NFIB: variants seen among roughly 807,000 people sequenced by gnomAD.
NFIB encodes nuclear factor I B, also known as nuclear factor 1 B-type.
In NFIB, 11 loss-of-function variants were observed where a neutral mutation model predicts 61.5. The observed-to-expected ratio is 0.18, with a 90% CI of 0.11 to 0.30. The LOEUF (loss-of-function observed/expected upper bound fraction) is 0.30, where lower values mean the gene tolerates loss of function less well. NFIB is among the 10% of genes least tolerant of loss of function. The pLI, the probability that NFIB is intolerant of heterozygous loss-of-function variation, is 1.00. For missense variants in NFIB, 471 were observed against 608.9 expected, an observed-to-expected ratio of 0.77 and a Z score of 2.38; for synonymous variants, 260 against 216.5, an observed-to-expected ratio of 1.20 and a Z score of -1.76.
chr9:14,342,753 C>A (rs1422631469), intron 1 of NFIB, among the ~76,000 whole-genome samples: 1 of 152,140 alleles, frequency 6.6e-6, no homozygotes, highest in Non-Finnish European at 1.5e-5. Context: ...GTTGTCACTA[C>A]CAACTAAATA....
intron 2 of NFIB, among the ~76,000 whole-genome samples, chr9:14,220,571 G>A (rs905159412): frequency 3.9e-5 from 6 of 152,036 alleles, no homozygotes; most frequent in African/African-American, 1.4e-4. Context: ...CTATCTCTCT[G>A]GATGCTGGAC....
chr9:14,517,601 GGT>G, the NFIB span, among the ~76,000 whole-genome samples: 36,033 of 151,918 alleles, frequency 0.24, 4,579 homozygotes, highest in East Asian at 0.39. Context: ...GTGGATGTGT[GGT>G]GTGTGGTAGC....
chr9:14,323,097 A>G (rs2060701437), intron 1 of NFIB, among the ~76,000 whole-genome samples: 1 of 152,228 alleles, frequency 6.6e-6, no homozygotes, highest in African/African-American at 2.4e-5. Flanking sequence ...GTTTCCGTGT[A>G]GGAGGACTCC....
chr9:14,138,492 A>G (rs1203569194), intron 6 of NFIB, among the ~76,000 whole-genome samples: 1 of 152,164 alleles, frequency 6.6e-6, no homozygotes, highest in African/African-American at 2.4e-5. Flanking sequence ...ATTATATGTT[A>G]GATTATATTA....
Position 14,159,378 on chromosome 9 carries a change from T to C in NFIB, c.617-3485A>G, listed in dbSNP as rs149097234. On this transcript the variant is annotated intron_variant, in intron 3 of 10. Transcript: ENST00000380953. The stretch of plus-strand genomic sequence containing the variant: ...CTTCTTTGGAACCTACTGGATAAAA[T>C]GCAAAAAACCACAGAGGTCCCACTG... 2.0e-5 allele frequency among the ~76,000 whole-genome samples: 3 copies of C among 152,178 alleles called. No individual in the cohort carries two copies. The East Asian group carries it at 5.8e-4, about 29-fold the overall frequency.
chr9:14,352,920 G>A (rs2061130756), intron 1 of NFIB, among the ~76,000 whole-genome samples: 2 of 152,184 alleles, frequency 1.3e-5, no homozygotes, highest in South Asian at 4.1e-4. Context: ...GTGTCTATAG[G>A]GGCAGGGTTA....
the NFIB span, among the ~76,000 whole-genome samples, chr9:14,450,782 G>A: frequency 3.9e-5 from 6 of 151,994 alleles, no homozygotes; most frequent in Non-Finnish European, 8.8e-5. Context: ...TTTATCAACC[G>A]GCCATGAAGT....
In NFIB at chr9:14,176,917, A is replaced by G. The variant is rs528465533; in HGVS notation, c.616+2810T>C. Reference sequence around the variant, plus strand: ...AGATTTCAAAGAGCCTATATCTCCAAAAGGGCTTGAATTTTTGCCATCTCT... The same window carrying G: ...AGATTTCAAAGAGCCTATATCTCCAGAAGGGCTTGAATTTTTGCCATCTCT... On this transcript the variant is annotated intron_variant, in intron 3 of 10. Transcript: ENST00000380953. 1.2e-4 allele frequency among the ~76,000 whole-genome samples: 19 copies of G among 152,270 alleles called. No individual in the cohort carries two copies. The South Asian group carries it at 3.7e-3, about 30-fold the overall frequency.
chr9:14,139,944 T>C (rs2041495181), intron 6 of NFIB, among the ~76,000 whole-genome samples: 1 of 152,186 alleles, frequency 6.6e-6, no homozygotes, highest in African/African-American at 2.4e-5. Flanking sequence ...GAAATTCACT[T>C]AGAGTTCTTT....
chr9:14,511,902 G>GA, the NFIB span, among the ~76,000 whole-genome samples: 1 of 151,984 alleles, frequency 6.6e-6, no homozygotes, highest in Non-Finnish European at 1.5e-5. Context: ...CATCCAGTCA[G>GA]AAAAAAACAA....
intron 2 of NFIB, among the ~76,000 whole-genome samples, chr9:14,287,716 G>A (rs1477242588): frequency 1.1e-4 from 17 of 151,918 alleles, no homozygotes; most frequent in African/African-American, 1.2e-4. Context: ...CACTGCGCCC[G>A]GCCCACAGTT....
At chr9:14,314,907 CTT>C (rs1238790656), upstream of NFIB, among the ~76,000 whole-genome samples, 2 of 151,926 alleles carry the variant, frequency 1.3e-5, no homozygotes, top group Non-Finnish European at 2.9e-5. Context: ...GCTGCGGACT[CTT>C]TTAAGCCGCG....
Position 14,242,507 on chromosome 9 carries a change from T to C in NFIB, c.563-62727A>G, listed in dbSNP as rs972760798. 2.6e-5 allele frequency among the ~76,000 whole-genome samples: 4 copies of C among 152,322 alleles called. No individual in the cohort carries two copies. The East Asian group carries it at 5.8e-4, about 22-fold the overall frequency. On this transcript the variant is annotated intron_variant, in intron 2 of 10. Transcript: ENST00000380953. ...ATGTCACTGAAGTGAAAGCCAAGTTTTACTTTAGAATTTAATAAAAATTGA... is the reference window on the plus strand; with the variant it reads ...ATGTCACTGAAGTGAAAGCCAAGTTCTACTTTAGAATTTAATAAAAATTGA...
At chr9:14,530,270 C>T in the NFIB span, among the ~76,000 whole-genome samples, 29 of 152,226 alleles carry the variant, frequency 1.9e-4, no homozygotes, top group Admixed American at 8.5e-4. Flanking sequence ...AAGCATCTGC[C>T]AGTTGATTTC....
At chr9:14,325,042 G>C (rs2132834880) in intron 1 of NFIB, among the ~76,000 whole-genome samples, 1 of 152,118 alleles carries the variant, frequency 6.6e-6, no homozygotes, top group South Asian at 2.1e-4. Context: ...ATTTTGCAAT[G>C]TAAATAAATA....
At chr9:14,182,706 CTCTGTG>C (rs1488290949) in intron 2 of NFIB, among the ~76,000 whole-genome samples, 8 of 124,852 alleles carry the variant, frequency 6.4e-5, no homozygotes, top group African/African-American at 2.5e-4. Flanking sequence ...CTCTCTCTCT[CTCTGTG>C]TGTGTGTGTG....
At chr9:14,117,231 T>A (rs2038276190) in intron 8 of NFIB, among the ~76,000 whole-genome samples, 1 of 152,208 alleles carries the variant, frequency 6.6e-6, no homozygotes, top group Non-Finnish European at 1.5e-5. Flanking sequence ...GAGAATTAAC[T>A]GAGAAAATCC....
At chr9:14,518,947 G>T in the NFIB span, among the ~76,000 whole-genome samples, 1 of 152,168 alleles carries the variant, frequency 6.6e-6, no homozygotes, top group African/African-American at 2.4e-5. Context: ...GAAGGAGGAA[G>T]GGGAAAGTCC....
At chr9:14,493,784 G>C in the NFIB span, among the ~76,000 whole-genome samples, 1 of 152,286 alleles carries the variant, frequency 6.6e-6, no homozygotes, top group Admixed American at 6.5e-5. Flanking sequence ...CTCCATGTGA[G>C]GCTATTTTCC....
Sources: gnomAD v4.1 joint callset for allele counts (sites outside exome capture counted in the v4.1 genomes callset) on GRCh38, gnomAD v4.1.1 for gene constraint, MANE v1.5 for transcripts, NCBI Gene and HGNC (gene_info 2026-07-23, HGNC 2026-07-21) for gene names.